SPTLC3: variants seen among roughly 807,000 people sequenced by gnomAD.
SPTLC3 encodes the protein serine palmitoyltransferase long chain base subunit 3.
In SPTLC3, 36 loss-of-function variants were observed where a neutral mutation model predicts 59.3. That is an observed-to-expected ratio of 0.61 (90% CI 0.47 to 0.80). The LOEUF (loss-of-function observed/expected upper bound fraction) is 0.80, where lower values mean the gene tolerates loss of function less well. Ranked by LOEUF, SPTLC3 falls within the 30% of genes least tolerant of loss-of-function variation. SPTLC3 has a pLI of 0.00. For synonymous variants in SPTLC3, 257 were observed against 240.8 expected (o/e 1.07, Z -0.62); for missense variants, 625 against 685.1 (o/e 0.91, Z 0.98).
intron 1 of SPTLC3, among the ~76,000 whole-genome samples, chr20:13,011,756 C>T (rs1985265729): frequency 6.6e-6 from 1 of 151,328 alleles, no homozygotes; most frequent in South Asian, 2.1e-4. Flanking sequence ...TTCTTTAAAC[C>T]TCATATGTCC....
intron 1 of SPTLC3, among the ~76,000 whole-genome samples, chr20:13,036,269 G>A (rs1372690856): frequency 6.6e-6 from 1 of 151,202 alleles, no homozygotes; most frequent in Non-Finnish European, 1.5e-5. Flanking sequence ...AGTTACACTG[G>A]GTGCACCTCT....
intron 8 of SPTLC3, among the ~76,000 whole-genome samples, chr20:13,118,447 TG>T (rs1419280198): frequency 0.12 from 3,990 of 33,750 alleles, 320 homozygotes; most frequent in African/African-American, 0.23. Flanking sequence ...AAGAGGTTTG[TG>T]GAAAAAAAAA....
intron 4 of SPTLC3, among the ~76,000 whole-genome samples, chr20:13,079,270 G>A (rs1330137592): frequency 3.3e-5 from 5 of 152,100 alleles, no homozygotes; most frequent in African/African-American, 4.8e-5. Flanking sequence ...CTAAAAGCCT[G>A]GAAACAGATA....
intron 4 of SPTLC3, among the ~76,000 whole-genome samples, chr20:13,083,303 G>A (rs796227474): frequency 1.3e-5 from 2 of 152,182 alleles, no homozygotes; most frequent in African/African-American, 4.8e-5. Context: ...CACCAGCCTG[G>A]AGCCCCTATA....
chr20:13,159,959 C>A, intron 10 of SPTLC3, 44 bp from the exon 11 acceptor site: 1 of 1,465,168 alleles, frequency 6.8e-7, no homozygotes, highest in South Asian at 1.5e-5. Context: ...TTGTCTTTTC[C>A]CAACTAACCA....
At chr20:13,031,616 C>T (rs567874810) in intron 1 of SPTLC3, among the ~76,000 whole-genome samples, 1 of 152,156 alleles carries the variant, frequency 6.6e-6, no homozygotes, top group Non-Finnish European at 1.5e-5. Flanking sequence ...CTATTTTGCA[C>T]ATGGTTTCTC....
intron 4 of SPTLC3, chr20:13,079,935 A>T: frequency 3.1e-6 from 1 of 324,056 alleles, no homozygotes; most frequent in Middle Eastern, 6.8e-4. Context: ...CTCAAGCCTG[A>T]TTCTGACAGT....
chr20:13,082,484 C>T (rs1320742266), intron 4 of SPTLC3, among the ~76,000 whole-genome samples: 1 of 152,138 alleles, frequency 6.6e-6, no homozygotes, highest in African/African-American at 2.4e-5. Context: ...ACTTGTGACA[C>T]ATGAATATTA....
chr20:13,077,749 G>T (rs747294406), intron 4 of SPTLC3, among the ~76,000 whole-genome samples: 1 of 150,970 alleles, frequency 6.6e-6, no homozygotes, highest in Non-Finnish European at 1.5e-5. Flanking sequence ...TTAGGAATTT[G>T]AAATAGTAAT....
chr20:13,159,971 T>TA, intron 10 of SPTLC3, 32 bp from the exon 11 acceptor site: 2 of 944,938 alleles, frequency 2.1e-6, no homozygotes. Context: ...AACTAACCAC[T>TA]TTTTTTTTTT....
At chr20:13,057,653 TA>T (rs1987784070) in intron 2 of SPTLC3, among the ~76,000 whole-genome samples, 1 of 152,182 alleles carries the variant, frequency 6.6e-6, no homozygotes, top group African/African-American at 2.4e-5. Flanking sequence ...AAGACAGCAC[TA>T]AAAAGCTCAA....
chr20:13,055,854 A>G (rs1418554372), intron 2 of SPTLC3, among the ~76,000 whole-genome samples: 1 of 152,032 alleles, frequency 6.6e-6, no homozygotes, highest in Non-Finnish European at 1.5e-5. Context: ...GTGAGTTGTG[A>G]TGATGCAGAC....
chr20:13,159,576 A>G (rs1410238936), intron 10 of SPTLC3, among the ~76,000 whole-genome samples: 5 of 152,250 alleles, frequency 3.3e-5, no homozygotes, highest in Non-Finnish European at 1.5e-5. Context: ...TTTATAAAAC[A>G]TATAGGTTTA....
At chr20:13,119,441 C>A (rs1216705568) in intron 8 of SPTLC3, among the ~76,000 whole-genome samples, 2 of 152,154 alleles carry the variant, frequency 1.3e-5, no homozygotes, top group African/African-American at 4.8e-5. Flanking sequence ...AAGATGTAGG[C>A]GTTCTTGTCC....
intron 7 of SPTLC3, among the ~76,000 whole-genome samples, chr20:13,112,710 C>T (rs1172157615): frequency 6.6e-6 from 1 of 152,194 alleles, no homozygotes; most frequent in Non-Finnish European, 1.5e-5. Flanking sequence ...GAGACCAAGA[C>T]CTAAAAGGCC....
rs1453128690 is a variant in SPTLC3, at chr20:13,064,089, G to A, written c.304-8167G>A. On this transcript the variant is annotated intron_variant, in intron 2 of 11. Coordinates refer to ENST00000399002, the MANE Select transcript of SPTLC3 (RefSeq NM_018327.4). The stretch of plus-strand genomic sequence containing the variant: ...CTTTCGCCCAGGCTGGAGTGCAGTG[G>A]TGTGATTTTGGCTCACTGCAACCTC... Among the ~76,000 whole-genome samples, 14 of 149,798 alleles carry A rather than the reference G, an allele frequency of 9.3e-5. No individual in the cohort carries two copies. The East Asian group carries it at 2.8e-3, about 29-fold the overall frequency.
chr20:13,094,528 C>T (rs1264642490), intron 6 of SPTLC3, among the ~76,000 whole-genome samples: 1 of 152,144 alleles, frequency 6.6e-6, no homozygotes, highest in Non-Finnish European at 1.5e-5. Flanking sequence ...GCTCTCCCCT[C>T]CATCCTCCAA....
chr20:13,117,459 C>T (rs1568610361), intron 7 of SPTLC3, 47 bp from the exon 8 acceptor site: 1 of 1,513,630 alleles, frequency 6.6e-7, no homozygotes, highest in Admixed American at 2.1e-5. Flanking sequence ...GACAGAGCTT[C>T]CCAGGAGGGT....
In SPTLC3 at chr20:13,009,303, G is replaced by A. The variant is rs1985103271; in HGVS notation, c.36G>A (p.Gly12=). The part of the protein sequence containing the change: ...ANPGGGAVCN[G]KLHNHKKQSN... ...CTGGAGGTGGTGCTGTTTGCAACGG[G>A]AAACTTCACAATCACAAGAAACAGA... The change falls in exon 1 of 12, where the codon GGG becomes GGA. Residue 12 remains glycine (G), a synonymous_variant. Transcript: ENST00000399002. 5 of 1,614,036 alleles carry A rather than the reference G, an allele frequency of 3.1e-6. No individual in the cohort carries two copies. Among genetic ancestry groups the A allele is most frequent in the Middle Eastern group, 1.6e-4 (1 of 6,062 alleles).
Sources: gnomAD v4.1 joint callset for allele counts (sites outside exome capture counted in the v4.1 genomes callset) on GRCh38, gnomAD v4.1.1 for gene constraint, MANE v1.5 for transcripts, NCBI Gene and HGNC (gene_info 2026-07-23, HGNC 2026-07-21) for gene names.